TNR: variants seen among roughly 807,000 people sequenced by gnomAD.
The protein encoded by TNR is tenascin R, also known as tenascin-R.
A neutral mutation model predicts 150.4 loss-of-function variants in TNR; 45 were observed. The ratio of observed to expected loss-of-function variants is 0.30; its 90% CI spans 0.24 to 0.38. The LOEUF (loss-of-function observed/expected upper bound fraction) is 0.38. Among genes scored for constraint, TNR ranks in the 10% least tolerant of loss-of-function variants. The pLI is 1.00. For synonymous variants in TNR, 687 were observed against 678.4 expected, an observed-to-expected ratio of 1.01 and a Z score of -0.20; for missense variants, 1,544 against 1,759.1, an observed-to-expected ratio of 0.88 and a Z score of 2.19.
At chr1:175,628,780 A>C (rs1664235789) in intron 1 of TNR, among the ~76,000 whole-genome samples, 1 of 152,120 alleles carries the variant, frequency 6.6e-6, no homozygotes. Flanking sequence ...CTGGAGGGAG[A>C]TGGAAAGAGA....
chr1:175,531,717 G>A (rs1014621787), intron 1 of TNR, among the ~76,000 whole-genome samples: 1 of 152,182 alleles, frequency 6.6e-6, no homozygotes, highest in Non-Finnish European at 1.5e-5. Flanking sequence ...GCATTATCTG[G>A]GGTCAACTTG....
At chr1:175,625,050 G>C (rs545752961) in intron 1 of TNR, among the ~76,000 whole-genome samples, 4 of 152,186 alleles carry the variant, frequency 2.6e-5, no homozygotes, top group Non-Finnish European at 1.5e-5. Context: ...TGGTGCTCCA[G>C]CACCAAGGAG....
At chr1:175,371,787 T>G (rs1652117414) in intron 9 of TNR, among the ~76,000 whole-genome samples, 1 of 152,200 alleles carries the variant, frequency 6.6e-6, no homozygotes, top group South Asian at 2.1e-4. Flanking sequence ...CAACTAGGTT[T>G]GGAACCCAAG....
chr1:175,419,044 G>A (rs1024945969), intron 2 of TNR, among the ~76,000 whole-genome samples: 4 of 152,122 alleles, frequency 2.6e-5, no homozygotes, highest in Non-Finnish European at 5.9e-5. Context: ...TTATTTTGCA[G>A]TTATTTAGTC....
intron 1 of TNR, among the ~76,000 whole-genome samples, chr1:175,587,774 T>C (rs1272426028): frequency 6.6e-6 from 1 of 152,180 alleles, no homozygotes; most frequent in Non-Finnish European, 1.5e-5. Context: ...CCAGGTGATT[T>C]TTAATGTGCA....
At chr1:175,521,016 T>TAG (rs543684733) in intron 2 of TNR, among the ~76,000 whole-genome samples, 4 of 152,246 alleles carry the variant, frequency 2.6e-5, no homozygotes, top group African/African-American at 7.2e-5. Context: ...CCTCAAATAG[T>TAG]AGGATTTCAG....
rs1657658860 is a variant in TNR at position 175,478,798 on chromosome 1, A to G, written c.-64+49471T>C. Among the ~76,000 whole-genome samples the G allele has an allele frequency of 2.0e-5, 3 of 152,156 alleles. No individual in the cohort carries two copies. In the South Asian group the frequency reaches 6.2e-4, roughly 31 times the overall value. ...GGTAAGACCTGCTCTTGTTTTTTCC[A>G]GAAATTGTGCTTAAGCTGTCAGCAT... On this transcript the variant is annotated intron_variant, in intron 2 of 22. Transcript: ENST00000367674.
intron 1 of TNR, among the ~76,000 whole-genome samples, chr1:175,529,815 C>T (rs186797365): frequency 6.6e-6 from 1 of 152,332 alleles, no homozygotes; most frequent in African/African-American, 2.4e-5. Context: ...GCTAACCTCA[C>T]TCTCAGAAAG....
At chr1:175,629,300 C>G (rs1201346965) in intron 1 of TNR, among the ~76,000 whole-genome samples, 2 of 152,152 alleles carry the variant, frequency 1.3e-5, no homozygotes, top group Admixed American at 6.5e-5. Flanking sequence ...TTGTTTTAAA[C>G]TTTTCTAGCC....
chr1:175,650,012 G>A (rs1409488731), intron 1 of TNR, among the ~76,000 whole-genome samples: 1 of 151,990 alleles, frequency 6.6e-6, no homozygotes, highest in Non-Finnish European at 1.5e-5. Flanking sequence ...AAAATAAATA[G>A]AGCAAAGCAT....
At chr1:175,482,644 T>C (rs530937527) in intron 2 of TNR, among the ~76,000 whole-genome samples, 2 of 152,272 alleles carry the variant, frequency 1.3e-5, no homozygotes, top group African/African-American at 4.8e-5. Context: ...AAGGTGAACA[T>C]CCAGCCTGGC....
intron 2 of TNR, among the ~76,000 whole-genome samples, chr1:175,480,470 G>GAAAA (rs1208564556): frequency 7.4e-6 from 1 of 134,522 alleles, no homozygotes; most frequent in African/African-American, 2.9e-5. Context: ...AAGAAAAAAA[G>GAAAA]AAAAGAAAAG....
At chr1:175,397,590 C>T (rs959303883) in intron 4 of TNR, among the ~76,000 whole-genome samples, 3 of 152,210 alleles carry the variant, frequency 2.0e-5, no homozygotes, top group Non-Finnish European at 2.9e-5. Flanking sequence ...GATACCACGG[C>T]CTGATGAAGA....
At chr1:175,366,631 C>T (rs1171594050) in intron 10 of TNR, among the ~76,000 whole-genome samples, 4 of 152,236 alleles carry the variant, frequency 2.6e-5, no homozygotes, top group African/African-American at 9.6e-5. Context: ...GAGGCTGAAC[C>T]TTGGGACAAG....
Position 175,359,817 on chromosome 1 carries a change from TG to T in TNR, c.2855-87del, listed in dbSNP as rs1651511182. 7.3e-5 allele frequency: 109 copies of T among 1,491,832 alleles called. 1 individual carries two copies. The South Asian group carries it at 1.5e-3, about 20-fold the overall frequency. The allele number at this position is 1,491,832 out of a possible 1,614,324, so 92.4% of individuals were successfully genotyped here. Reference sequence around the variant, plus strand: ...ATGATCTCAGAAGTTCCACTCATGGTGCAAGACTGCTGCTGCACTCTACAAA... The same window carrying T: ...ATGATCTCAGAAGTTCCACTCATGGTCAAGACTGCTGCTGCACTCTACAAA... On this transcript the variant is annotated intron_variant, in intron 14 of 22. Coordinates refer to ENST00000367674, the MANE Select transcript of TNR (RefSeq NM_003285.3).
chr1:175,531,869 A>G (rs1483432911), intron 1 of TNR, among the ~76,000 whole-genome samples: 3 of 152,364 alleles, frequency 2.0e-5, no homozygotes, highest in South Asian at 2.1e-4. Flanking sequence ...ACTTTGTAGC[A>G]TGGGCTCCCT....
chr1:175,466,295 G>A (rs765394794), intron 2 of TNR, among the ~76,000 whole-genome samples: 1 of 152,182 alleles, frequency 6.6e-6, no homozygotes, highest in Non-Finnish European at 1.5e-5. Context: ...TCATTCTTCA[G>A]CCTCTGCTTT....
At chr1:175,580,374 G>A (rs1438647243) in intron 1 of TNR, among the ~76,000 whole-genome samples, 1 of 152,100 alleles carries the variant, frequency 6.6e-6, no homozygotes, top group Non-Finnish European at 1.5e-5. Context: ...CTGTACCTGG[G>A]GGGTCTCTAT....
chr1:175,418,724 A>C (rs12066645), intron 2 of TNR, among the ~76,000 whole-genome samples: 3 of 139,634 alleles, frequency 2.1e-5, no homozygotes, highest in South Asian at 2.4e-4. Context: ...GAGAGAGAGA[A>C]AAAAAAAAAA....
Sources: allele counts gnomAD v4.1 joint callset (sites outside exome capture counted in the v4.1 genomes callset), GRCh38; gene constraint gnomAD v4.1.1; transcripts MANE v1.5; gene names NCBI Gene and HGNC (gene_info 2026-07-23, HGNC 2026-07-21).